HECA: variants seen among roughly 807,000 people sequenced by gnomAD.
The protein encoded by HECA is headcase protein homolog.
In HECA, 13 loss-of-function variants were observed where a neutral mutation model predicts 37.6. The observed-to-expected ratio is 0.35, with a 90% CI of 0.23 to 0.55. The LOEUF is 0.55. Among genes scored for constraint, HECA ranks in the 20% least tolerant of loss-of-function variants. The probability of loss-of-function intolerance (pLI) is 0.90; values close to 1 mark genes in which losing one functional copy is unlikely to be tolerated. For missense variants in HECA, 527 were observed against 701.9 expected, an observed-to-expected ratio of 0.75 and a Z score of 2.82; for synonymous variants, 307 against 291.5, an observed-to-expected ratio of 1.05 and a Z score of -0.54.
At chr6:139,173,874 G>A (rs1775011130) in intron 2 of HECA, among the ~76,000 whole-genome samples, 1 of 152,134 alleles carries the variant, frequency 6.6e-6, no homozygotes, top group Non-Finnish European at 1.5e-5. Flanking sequence ...AGCATTTTGA[G>A]GACAAGGATA....
At chr6:139,172,838 G>A (rs1774994545) in intron 2 of HECA, among the ~76,000 whole-genome samples, 1 of 152,210 alleles carries the variant, frequency 6.6e-6, no homozygotes, top group African/African-American at 2.4e-5. Context: ...TGTCTATTCT[G>A]TAATGCTGCT....
rs552452341 is a variant in HECA at position 139,164,965 on chromosome 6, C to T, written c.272-1319C>T. Reference sequence around the variant, plus strand: ...CACCTCTGGCCACCTTATTACACAGCTTCTTTTGTAAATAAAAATATCCCA... The same window carrying T: ...CACCTCTGGCCACCTTATTACACAGTTTCTTTTGTAAATAAAAATATCCCA... On this transcript the variant is annotated intron_variant, in intron 1 of 3. Coordinates refer to ENST00000367658, the MANE Select transcript of HECA (RefSeq NM_016217.3). Among the ~76,000 whole-genome samples the T allele has an allele frequency of 1.4e-4, 22 of 152,306 alleles. 1 individual carries two copies. In the South Asian group the frequency reaches 4.6e-3, roughly 32 times the overall value.
chr6:139,144,041 A>G (rs953978016), intron 1 of HECA, among the ~76,000 whole-genome samples: 1 of 151,806 alleles, frequency 6.6e-6, no homozygotes, highest in African/African-American at 2.4e-5. Flanking sequence ...GGAGGTGAGG[A>G]GCCCAGGATG....
chr6:139,137,710 C>T (rs939218638), intron 1 of HECA, among the ~76,000 whole-genome samples: 2 of 147,192 alleles, frequency 1.4e-5, no homozygotes, highest in Non-Finnish European at 3.0e-5. Context: ...AAGATTAGTC[C>T]AATTTAAGGT....
chr6:139,157,828 G>A (rs1001936399), intron 1 of HECA, among the ~76,000 whole-genome samples: 1 of 152,158 alleles, frequency 6.6e-6, no homozygotes, highest in Non-Finnish European at 1.5e-5. Flanking sequence ...AGGCACAGGT[G>A]GAGGAGGGTG....
intron 1 of HECA, among the ~76,000 whole-genome samples, chr6:139,139,796 C>A (rs926719177): frequency 6.6e-6 from 1 of 152,202 alleles, no homozygotes; most frequent in Non-Finnish European, 1.5e-5. Context: ...ACCTGGAAAC[C>A]CTTTATGGAG....
intron 1 of HECA, among the ~76,000 whole-genome samples, chr6:139,151,916 A>G (rs764279319): frequency 6.6e-6 from 1 of 152,196 alleles, no homozygotes; most frequent in Non-Finnish European, 1.5e-5. Context: ...ATGGGTGGAA[A>G]TACAAGAGAG....
chr6:139,137,991 G>A (rs1330975821), intron 1 of HECA, among the ~76,000 whole-genome samples: 1 of 152,134 alleles, frequency 6.6e-6, no homozygotes, highest in Non-Finnish European at 1.5e-5. Flanking sequence ...CCTGATTCTT[G>A]TTTCTGAAGT....
chr6:139,172,672 C>G (rs1213962757), intron 2 of HECA, among the ~76,000 whole-genome samples: 1 of 152,162 alleles, frequency 6.6e-6, no homozygotes, highest in Non-Finnish European at 1.5e-5. Context: ...AATCTAGACT[C>G]AGTCCAGACC....
intron 1 of HECA, among the ~76,000 whole-genome samples, chr6:139,163,186 T>C (rs1041000903): frequency 2.0e-5 from 3 of 152,128 alleles, no homozygotes; most frequent in African/African-American, 7.2e-5. Flanking sequence ...CCTGGAGACA[T>C]TGAGTGGGGC....
chr6:139,142,088 G>A lies in HECA; in HGVS notation c.271+6421G>A, dbSNP rs566118196. Among the ~76,000 whole-genome samples, 14 of 151,652 alleles carry A rather than the reference G, an allele frequency of 9.2e-5. No homozygotes were observed. The South Asian group carries it at 1.7e-3, about 18-fold the overall frequency. ...ACTACAGGCACCCGCCACCACACCCGGCTAATTTTTTGTATTTTTAGTAGA... is the reference window on the plus strand; with the variant it reads ...ACTACAGGCACCCGCCACCACACCCAGCTAATTTTTTGTATTTTTAGTAGA... On this transcript the variant is annotated intron_variant, in intron 1 of 3. Coordinates refer to ENST00000367658, the MANE Select transcript of HECA (RefSeq NM_016217.3).
At position 139,167,278 on chromosome 6, in the gene HECA, G is replaced by A. The variant is rs751931133; in HGVS notation, c.1266G>A (p.Pro422=). Residue 422 remains proline (P), a synonymous_variant, in exon 2 of 4, where the codon CCG becomes CCA. Coordinates refer to ENST00000367658, the MANE Select transcript of HECA (RefSeq NM_016217.3). ...PLVDGTLFLS[P]SRHDEIEYDV... is the part of the protein sequence containing the mutation. Reference sequence around the variant, plus strand: ...TGGATGGAACTTTGTTCCTAAGCCCGTCGAGACATGATGAGATCGAATATG... The same window carrying A: ...TGGATGGAACTTTGTTCCTAAGCCCATCGAGACATGATGAGATCGAATATG... 12 of 1,611,958 alleles carry A rather than the reference G, an allele frequency of 7.4e-6. No homozygotes were observed. The highest frequency in any genetic ancestry group is 1.7e-5 in the Admixed American group (1 of 59,976).
intron 1 of HECA, among the ~76,000 whole-genome samples, chr6:139,162,877 C>T (rs888976203): frequency 1.3e-5 from 2 of 152,136 alleles, no homozygotes; most frequent in Admixed American, 6.5e-5. Flanking sequence ...GGCCTGTATT[C>T]CCTGAGCTCA....
In HECA at chr6:139,135,390, G is replaced by A; in HGVS notation, c.-7G>A. ...GCCGGGCACCTACCTGGACGCGAGC[G>A]AGCGAGATGCCCAACCCCAAAAACA... On this transcript the variant is annotated 5_prime_UTR_variant, in exon 1 of 4. Coordinates refer to ENST00000367658, the MANE Select transcript of HECA (RefSeq NM_016217.3). 5.8e-6 allele frequency: 8 copies of A among 1,373,676 alleles called. No individual in the cohort carries two copies. Among genetic ancestry groups the A allele is most frequent in the Non-Finnish European group, 7.7e-6 (8 of 1,041,462 alleles). 85.1% of individuals were successfully genotyped at this position (1,373,676 alleles called of 1,614,324 possible). A position where few individuals can be genotyped will look rare whatever the true frequency, so the allele number is the denominator to read the frequency against.
chr6:139,175,057 G>A (rs924041850), intron 3 of HECA, among the ~76,000 whole-genome samples: 2 of 152,098 alleles, frequency 1.3e-5, no homozygotes, highest in Non-Finnish European at 2.9e-5. Flanking sequence ...TGCCTTGTAA[G>A]GTGTTTGAGG....
intron 1 of HECA, among the ~76,000 whole-genome samples, chr6:139,162,052 A>C (rs1396887739): frequency 6.6e-6 from 1 of 152,030 alleles, no homozygotes; most frequent in Admixed American, 6.6e-5. Flanking sequence ...CAGTATCTTT[A>C]ATGCGACTTT....
chr6:139,167,844 G>A (rs1475574986), intron 2 of HECA, among the ~76,000 whole-genome samples: 1 of 152,144 alleles, frequency 6.6e-6, no homozygotes, highest in African/African-American at 2.4e-5. Flanking sequence ...CGGTGGTGGT[G>A]GTGGAAGGAG....
At chr6:139,164,805 G>GC (rs542358309) in intron 1 of HECA, among the ~76,000 whole-genome samples, 16 of 55,488 alleles carry the variant, frequency 2.9e-4, no homozygotes, top group Middle Eastern at 0.01. Context: ...GCCCCCCACC[G>GC]CTCATACAAC....
At chr6:139,174,196 G>C (rs1775019295) in intron 2 of HECA, among the ~76,000 whole-genome samples, 189 bp from the exon 3 acceptor site, 1 of 152,148 alleles carries the variant, frequency 6.6e-6, no homozygotes, top group Non-Finnish European at 1.5e-5. Flanking sequence ...ATGCTTTATT[G>C]ACAACAGCTA....
Sources: gnomAD v4.1 joint callset for allele counts (sites outside exome capture counted in the v4.1 genomes callset) on GRCh38, gnomAD v4.1.1 for gene constraint, MANE v1.5 for transcripts, NCBI Gene and HGNC (gene_info 2026-07-23, HGNC 2026-07-21) for gene names.